The following MAP2K6 variants were observed in gnomAD, a reference collection of about 807,000 sequenced individuals.
MAP2K6 encodes dual specificity mitogen-activated protein kinase kinase 6.
MAP2K6 carries 16 observed loss-of-function variants against 53.7 expected under a neutral mutation model. The observed-to-expected ratio is 0.30, with a 90% CI of 0.20 to 0.45. The LOEUF (loss-of-function observed/expected upper bound fraction) is 0.45, where lower values mean the gene tolerates loss of function less well. Among genes scored for constraint, MAP2K6 ranks in the 20% least tolerant of loss-of-function variants. The pLI is 1.00. For synonymous variants in MAP2K6, 132 were observed against 143.1 expected, an observed-to-expected ratio of 0.92 and a Z score of 0.55; for missense variants, 204 against 411.9, an observed-to-expected ratio of 0.50 and a Z score of 4.37.
chr17:69,471,816 A>T (rs2716225), intron 1 of MAP2K6, among the ~76,000 whole-genome samples: 1 of 152,060 alleles, frequency 6.6e-6, no homozygotes, highest in African/African-American at 2.4e-5. Context: ...GAGAGAAAAG[A>T]TTATGGTTCA....
At chr17:69,435,218 T>C (rs959719593) in intron 1 of MAP2K6, 16 of 152,108 alleles carry the variant, frequency 1.1e-4, no homozygotes, top group Non-Finnish European at 1.5e-5. Context: ...ACAATGGAGA[T>C]AGAGGAAGAA....
At chr17:69,428,409 C>T (rs564251895) in intron 1 of MAP2K6, among the ~76,000 whole-genome samples, 3 of 152,340 alleles carry the variant, frequency 2.0e-5, no homozygotes, top group Non-Finnish European at 4.4e-5. Flanking sequence ...TGGCATTCTG[C>T]CTGTCTGTGT....
At chr17:69,518,476 A>G (rs1251686630) in intron 4 of MAP2K6, among the ~76,000 whole-genome samples, 1 of 152,208 alleles carries the variant, frequency 6.6e-6, no homozygotes, top group East Asian at 1.9e-4. Flanking sequence ...GGTAAAATAT[A>G]TCTAGAGTAA....
rs191404221 is a variant in MAP2K6, at chr17:69,456,876, C to T, written c.16+41876C>T. On this transcript the variant is annotated intron_variant, in intron 1 of 11. Transcript: ENST00000590474. ...TCTTCCTACAACACATCTGTCCCCA[C>T]GCTTCCGTTTTAAAGTTGTCCCTGC... Among the ~76,000 whole-genome samples the T allele has an allele frequency of 2.0e-3, 299 of 152,326 alleles. 1 individual carries two copies. The highest frequency in any genetic ancestry group is 7.0e-3 in the African/African-American group (290 of 41,564).
chr17:69,486,132 G>A (rs1440349554), intron 1 of MAP2K6, among the ~76,000 whole-genome samples: 2 of 152,026 alleles, frequency 1.3e-5, no homozygotes, highest in African/African-American at 2.4e-5. Context: ...GAAGTGGGGT[G>A]GCCACAAGGA....
chr17:69,500,851 T>A (rs981638437), intron 1 of MAP2K6, among the ~76,000 whole-genome samples: 1 of 152,092 alleles, frequency 6.6e-6, no homozygotes, highest in African/African-American at 2.4e-5. Flanking sequence ...GGAATCTCAG[T>A]GGTATATAAG....
chr17:69,520,453 C>T lies in MAP2K6; in HGVS notation c.483+67C>T, dbSNP rs1910406908. The T allele has an allele frequency of 1.9e-5, 17 of 908,810 alleles. 1 individual carries two copies. In the South Asian group the frequency reaches 2.6e-4, roughly 14 times the overall value. The allele number at this position is 908,810 out of a possible 1,614,324, so 56.3% of individuals were successfully genotyped here. ...ATAAAGTCCCTATGTGTCTTTGGAC[C>T]TCAGTATGAAGAAATACTACCTGGG... is the stretch of plus-strand genomic sequence containing the variant. On this transcript the variant is annotated intron_variant, in intron 6 of 11. Transcript: ENST00000590474.
chr17:69,507,525 C>G (rs1598297442), intron 2 of MAP2K6, among the ~76,000 whole-genome samples: 1 of 152,228 alleles, frequency 6.6e-6, no homozygotes, highest in African/African-American at 2.4e-5. Flanking sequence ...AACCGCTAAT[C>G]TGTTCTCCTT....
At chr17:69,488,555 TGTG>T (rs1908631840) in intron 1 of MAP2K6, among the ~76,000 whole-genome samples, 1 of 152,008 alleles carries the variant, frequency 6.6e-6, no homozygotes, top group African/African-American at 2.4e-5. Context: ...ATAAAGAAAA[TGTG>T]GTACATATAC....
At chr17:69,419,210 C>T (rs1302589600) in intron 1 of MAP2K6, among the ~76,000 whole-genome samples, 1 of 152,096 alleles carries the variant, frequency 6.6e-6, no homozygotes, top group Non-Finnish European at 1.5e-5. Flanking sequence ...TTTTTTTGCA[C>T]AGCTATACAC....
intron 1 of MAP2K6, among the ~76,000 whole-genome samples, chr17:69,450,631 G>T (rs956346424): frequency 3.3e-5 from 5 of 152,090 alleles, no homozygotes; most frequent in African/African-American, 1.2e-4. Context: ...TGGGGCAACG[G>T]AATGTCTTTT....
At chr17:69,423,902 A>G (rs1457606190) in intron 1 of MAP2K6, among the ~76,000 whole-genome samples, 1 of 152,118 alleles carries the variant, frequency 6.6e-6, no homozygotes, top group African/African-American at 2.4e-5. Context: ...GTTTTTTATC[A>G]TCACTTTTCA....
chr17:69,463,689 CAT>C (rs1241025931), intron 1 of MAP2K6, among the ~76,000 whole-genome samples: 3 of 150,792 alleles, frequency 2.0e-5, no homozygotes, highest in Admixed American at 2.0e-4. Context: ...CACACACACA[CAT>C]ATATACACAC....
chr17:69,487,799 A>G (rs1908602033), intron 1 of MAP2K6, among the ~76,000 whole-genome samples: 1 of 152,196 alleles, frequency 6.6e-6, no homozygotes, highest in African/African-American at 2.4e-5. Flanking sequence ...TCAGTCTTTA[A>G]TTCTGCTTCC....
At chr17:69,441,774 C>T (rs947414341) in intron 1 of MAP2K6, among the ~76,000 whole-genome samples, 6 of 152,140 alleles carry the variant, frequency 3.9e-5, no homozygotes, top group African/African-American at 1.2e-4. Flanking sequence ...AACCTGGTGG[C>T]TGAAAGGGGG....
chr17:69,449,355 A>T (rs914064053), intron 1 of MAP2K6, among the ~76,000 whole-genome samples: 2 of 151,776 alleles, frequency 1.3e-5, no homozygotes, highest in African/African-American at 4.8e-5. Flanking sequence ...AGTGGTATAC[A>T]GCAAGCAGGT....
chr17:69,476,549 C>T (rs918423467), intron 1 of MAP2K6, among the ~76,000 whole-genome samples: 1 of 152,160 alleles, frequency 6.6e-6, no homozygotes, highest in Non-Finnish European at 1.5e-5. Context: ...TATATCGATC[C>T]CTGGGTCTGA....
intron 1 of MAP2K6, among the ~76,000 whole-genome samples, chr17:69,460,354 G>T (rs1025837242): frequency 6.6e-6 from 1 of 152,154 alleles, no homozygotes; most frequent in African/African-American, 2.4e-5. Flanking sequence ...GAAGACGGAG[G>T]TATTTAACGC....
chr17:69,432,611 C>T (rs1004145465), intron 1 of MAP2K6, among the ~76,000 whole-genome samples: 2 of 144,978 alleles, frequency 1.4e-5, no homozygotes, highest in Non-Finnish European at 3.0e-5. Flanking sequence ...AATGAGAACG[C>T]ATGGACACAG....
Sources: allele counts gnomAD v4.1 joint callset (sites outside exome capture counted in the v4.1 genomes callset), GRCh38; gene constraint gnomAD v4.1.1; transcripts MANE v1.5; gene names NCBI Gene and HGNC (gene_info 2026-07-23, HGNC 2026-07-21).